RIC1: variants seen among roughly 807,000 people sequenced by gnomAD.
RIC1 encodes RIC1 partner of RAB6A GEF complex.
A neutral mutation model predicts 169.0 loss-of-function variants in RIC1; 88 were observed. The ratio of observed to expected loss-of-function variants is 0.52; its 90% CI spans 0.44 to 0.62. The LOEUF is 0.62. Ranked by LOEUF, RIC1 falls within the 20% of genes least tolerant of loss-of-function variation. The pLI is 0.00. For missense variants in RIC1, 1,877 were observed against 1,725.5 expected (o/e 1.09, Z -1.56); for synonymous variants, 790 against 601.5 (o/e 1.31, Z -4.59).
At chr9:5,745,897 T>C (rs777431226) in intron 10 of RIC1, 34 bp from the exon 11 acceptor site, 4 of 1,584,872 alleles carry the variant, frequency 2.5e-6, no homozygotes, top group Non-Finnish European at 2.6e-6. Context: ...CTTTTATTGC[T>C]CTGACTTTTT....
intron 1 of RIC1, among the ~76,000 whole-genome samples, chr9:5,652,921 A>C (rs1434029355): frequency 6.6e-6 from 1 of 152,074 alleles, no homozygotes; most frequent in Non-Finnish European, 1.5e-5. Flanking sequence ...ATAGATGTTG[A>C]GTTTTGTCAA....
intron 2 of RIC1, among the ~76,000 whole-genome samples, chr9:5,677,182 C>G (rs1160465871): frequency 6.6e-6 from 1 of 152,186 alleles, no homozygotes; most frequent in African/African-American, 2.4e-5. Flanking sequence ...TCTTTGCCAA[C>G]ATGTGGTAGG....
At chr9:5,757,577 C>A in intron 17 of RIC1, 126 bp downstream of exon 17, 1 of 977,758 alleles carries the variant, frequency 1.0e-6, no homozygotes, top group Non-Finnish European at 1.5e-6. Context: ...TATGAGAATG[C>A]TGGGTTGCAG....
At chr9:5,699,550 A>T (rs142215323) in intron 3 of RIC1, among the ~76,000 whole-genome samples, 114 of 152,216 alleles carry the variant, frequency 7.5e-4, no homozygotes, top group African/African-American at 2.7e-3. Context: ...TAAAATATAA[A>T]AGCAACATTT....
intron 1 of RIC1, among the ~76,000 whole-genome samples, chr9:5,648,625 T>C (rs1818649874): frequency 6.6e-6 from 1 of 152,224 alleles, no homozygotes; most frequent in Admixed American, 6.5e-5. Flanking sequence ...GCTGTACTAA[T>C]TTATATTTCC....
At chr9:5,701,896 C>G (rs2760417) in intron 3 of RIC1, among the ~76,000 whole-genome samples, 54,218 of 151,932 alleles carry the variant, frequency 0.36, 13,129 homozygotes, top group African/African-American at 0.69. Context: ...CTCAAAATGT[C>G]AAAAAACATA....
chr9:5,697,615 A>G (rs1235241565), intron 3 of RIC1, among the ~76,000 whole-genome samples: 1 of 152,212 alleles, frequency 6.6e-6, no homozygotes, highest in African/African-American at 2.4e-5. Context: ...ACAATGATGA[A>G]TGCAAATGAT....
chr9:5,720,358 T>A (rs759108904), intron 5 of RIC1, 34 bp downstream of exon 5: 3 of 1,581,078 alleles, frequency 1.9e-6, no homozygotes, highest in Admixed American at 1.8e-5. Flanking sequence ...TTGAACCAGT[T>A]GTTTAATGTT....
At chr9:5,721,339 A>G (rs1336916031) in intron 6 of RIC1, among the ~76,000 whole-genome samples, 1 of 152,200 alleles carries the variant, frequency 6.6e-6, no homozygotes, top group Non-Finnish European at 1.5e-5. Context: ...ACATACTGAA[A>G]GGTGAGGAGA....
chr9:5,670,244 C>G (rs1483507174), intron 2 of RIC1, among the ~76,000 whole-genome samples: 1 of 152,198 alleles, frequency 6.6e-6, no homozygotes. Context: ...TTCTTCAACC[C>G]TATGTAACTG....
chr9:5,726,596 A>G (rs917446538), intron 6 of RIC1, among the ~76,000 whole-genome samples: 17 of 152,224 alleles, frequency 1.1e-4, no homozygotes, highest in African/African-American at 4.1e-4. Flanking sequence ...TCCTGTCATT[A>G]TGATGTTAGC....
intron 19 of RIC1, 60 bp from the exon 20 acceptor site, chr9:5,765,354 G>C: frequency 6.5e-7 from 1 of 1,531,620 alleles, no homozygotes; most frequent in Non-Finnish European, 8.8e-7. Context: ...ATAAAGAATT[G>C]CTCATATCTT....
intron 7 of RIC1, among the ~76,000 whole-genome samples, chr9:5,734,982 T>A (rs1397734536): frequency 6.6e-6 from 1 of 152,220 alleles, no homozygotes; most frequent in Non-Finnish European, 1.5e-5. Flanking sequence ...CCAATTTATA[T>A]GCAAATTAAC....
chr9:5,649,619 T>G (rs1367424473), intron 1 of RIC1, among the ~76,000 whole-genome samples: 1 of 152,160 alleles, frequency 6.6e-6, no homozygotes, highest in Non-Finnish European at 1.5e-5. Context: ...GTGTTCTCTA[T>G]CTCACTGAGT....
chr9:5,737,711 A>G (rs977109102), intron 7 of RIC1, among the ~76,000 whole-genome samples: 1 of 151,742 alleles, frequency 6.6e-6, no homozygotes, highest in Non-Finnish European at 1.5e-5. Flanking sequence ...GACTCGCCCA[A>G]GACTTTTAAC....
In RIC1 at chr9:5,656,790, C is replaced by G. The variant is rs1424085635; in HGVS notation, c.252+100C>G. 5.9e-6 allele frequency: 4 copies of G among 676,734 alleles called. No homozygotes were observed. In the East Asian group the frequency reaches 7.8e-5, roughly 13 times the overall value. 41.9% of individuals were successfully genotyped at this position (676,734 alleles called of 1,614,324 possible). A position where few individuals can be genotyped will look rare whatever the true frequency, so the allele number is the denominator to read the frequency against. Reference sequence around the variant, plus strand: ...TGACTTTCTTTCAGTCTTTTGCACTCATAAGTATTTATTTTATTCTGATAG... The same window carrying G: ...TGACTTTCTTTCAGTCTTTTGCACTGATAAGTATTTATTTTATTCTGATAG... On this transcript the variant is annotated intron_variant, in intron 2 of 25. Transcript: ENST00000414202.
intron 1 of RIC1, among the ~76,000 whole-genome samples, chr9:5,635,721 A>T (rs1173610463): frequency 6.6e-6 from 1 of 152,026 alleles, no homozygotes; most frequent in East Asian, 1.9e-4. Flanking sequence ...TCATAGCGGG[A>T]GTTTTCCTCA....
intron 15 of RIC1, 98 bp downstream of exon 15, chr9:5,755,028 A>G (rs1825924809): frequency 4.4e-6 from 3 of 679,694 alleles, no homozygotes; most frequent in South Asian, 3.4e-5. Flanking sequence ...AAACTGAACA[A>G]AACATTTTAT....
At chr9:5,701,154 G>A (rs1822193153) in intron 3 of RIC1, among the ~76,000 whole-genome samples, 1 of 152,194 alleles carries the variant, frequency 6.6e-6, no homozygotes, top group Non-Finnish European at 1.5e-5. Flanking sequence ...CTGTGGTATA[G>A]CTGGCTCTTC....
Sources: gnomAD v4.1 joint callset for allele counts (sites outside exome capture counted in the v4.1 genomes callset) on GRCh38, gnomAD v4.1.1 for gene constraint, MANE v1.5 for transcripts, NCBI Gene and HGNC (gene_info 2026-07-23, HGNC 2026-07-21) for gene names.